Variants in SORCS1 observed in about 807,000 individuals in gnomAD.
The protein encoded by SORCS1 is VPS10 domain-containing receptor SorCS1.
Under a neutral mutation model 146.1 loss-of-function variants are expected in SORCS1, and 60 were observed. The ratio of observed to expected loss-of-function variants is 0.41; its 90% CI spans 0.33 to 0.51. The LOEUF (loss-of-function observed/expected upper bound fraction) is 0.51. Among genes scored for constraint, SORCS1 ranks in the 20% least tolerant of loss-of-function variants. The pLI is 0.21. For missense variants in SORCS1, 1,352 were observed against 1,487.6 expected (o/e 0.91, Z 1.50); for synonymous variants, 637 against 584.0 (o/e 1.09, Z -1.31).
intron 14 of SORCS1, 35 bp from the exon 15 acceptor site, chr10:106,673,020 G>A (rs1395754231): frequency 6.5e-7 from 1 of 1,545,158 alleles, no homozygotes; most frequent in East Asian, 2.3e-5. Flanking sequence ...TAATTACAAT[G>A]ATAACAATGT....
chr10:106,806,396 A>AAATAC (rs1258559731), intron 3 of SORCS1, among the ~76,000 whole-genome samples: 1 of 140,644 alleles, frequency 7.1e-6, no homozygotes, highest in Non-Finnish European at 1.5e-5. Context: ...AAATAAAATA[A>AAATAC]AATAAAATAA....
At chr10:107,028,829 T>A (rs894487023) in intron 1 of SORCS1, among the ~76,000 whole-genome samples, 6 of 152,224 alleles carry the variant, frequency 3.9e-5, no homozygotes, top group African/African-American at 1.4e-4. Flanking sequence ...AGATTGCATA[T>A]GCTTACTTCT....
intron 1 of SORCS1, among the ~76,000 whole-genome samples, chr10:106,991,625 G>T (rs1956775524): frequency 6.6e-6 from 1 of 152,096 alleles, no homozygotes; most frequent in East Asian, 1.9e-4. Context: ...ATGATTTTTG[G>T]CTTTGAATAT....
intron 2 of SORCS1, among the ~76,000 whole-genome samples, chr10:106,879,244 C>T (rs1257561884): frequency 2.0e-5 from 3 of 152,146 alleles, no homozygotes; most frequent in South Asian, 2.1e-4. Context: ...ACACTGCTCA[C>T]GGAACTTGCC....
intron 2 of SORCS1, among the ~76,000 whole-genome samples, chr10:106,937,905 A>G (rs1953829215): frequency 6.6e-6 from 1 of 150,940 alleles, no homozygotes; most frequent in Non-Finnish European, 1.5e-5. Flanking sequence ...CGGAGGTTGC[A>G]GTGAGCCAAG....
At chr10:106,901,714 G>A (rs1288638923) in intron 2 of SORCS1, among the ~76,000 whole-genome samples, 1 of 152,168 alleles carries the variant, frequency 6.6e-6, no homozygotes, top group Non-Finnish European at 1.5e-5. Flanking sequence ...GAATTACAGG[G>A]ATGAGCCACT....
chr10:106,957,940 C>T (rs1589792328), intron 1 of SORCS1, among the ~76,000 whole-genome samples: 3 of 152,166 alleles, frequency 2.0e-5, no homozygotes, highest in Admixed American at 1.3e-4. Context: ...TCTATGAGTC[C>T]GTGATCCAGT....
intron 24 of SORCS1, among the ~76,000 whole-genome samples, chr10:106,589,993 T>C (rs1425538943): frequency 6.6e-6 from 1 of 152,188 alleles, no homozygotes; most frequent in Non-Finnish European, 1.5e-5. Flanking sequence ...GTTTATAATA[T>C]ACTAGCATAT....
chr10:106,866,404 C>T (rs1950223158), intron 2 of SORCS1, among the ~76,000 whole-genome samples: 1 of 152,202 alleles, frequency 6.6e-6, no homozygotes, highest in Non-Finnish European at 1.5e-5. Flanking sequence ...TGAGCGACTG[C>T]TGACCTGCAT....
At chr10:106,704,669 GAC>G (rs1854384929) in intron 8 of SORCS1, among the ~76,000 whole-genome samples, 1 of 152,164 alleles carries the variant, frequency 6.6e-6, no homozygotes, top group East Asian at 1.9e-4. Flanking sequence ...CAGCCTGGGT[GAC>G]AGAGCGAGAT....
intron 14 of SORCS1, among the ~76,000 whole-genome samples, chr10:106,674,436 T>C (rs1465986148): frequency 6.8e-6 from 1 of 147,268 alleles, no homozygotes; most frequent in Non-Finnish European, 1.5e-5. Context: ...CCAGATCAAC[T>C]ACTTTATAAC....
At chr10:106,675,823 A>T (rs1177370726) in intron 13 of SORCS1, among the ~76,000 whole-genome samples, 1 of 152,116 alleles carries the variant, frequency 6.6e-6, no homozygotes, top group African/African-American at 2.4e-5. Flanking sequence ...CCATGAAAGG[A>T]ATTAGTGATC....
At chr10:107,077,795 C>T (rs886689939) in intron 1 of SORCS1, among the ~76,000 whole-genome samples, 10 of 151,838 alleles carry the variant, frequency 6.6e-5, no homozygotes, top group African/African-American at 2.2e-4. Flanking sequence ...AAAATCTACT[C>T]TAAATATACT....
intron 2 of SORCS1, among the ~76,000 whole-genome samples, chr10:106,831,614 C>T (rs1948548373): frequency 6.7e-6 from 1 of 148,426 alleles, no homozygotes; most frequent in Non-Finnish European, 1.5e-5. Context: ...AACCTCACTA[C>T]CATCCATTCA....
At chr10:107,068,019 C>T (rs1590061003) in intron 1 of SORCS1, among the ~76,000 whole-genome samples, 1 of 152,212 alleles carries the variant, frequency 6.6e-6, no homozygotes, top group East Asian at 1.9e-4. Flanking sequence ...AAGCTTGGTA[C>T]AGAATAGTTT....
chr10:106,989,680 GTTT>G (rs761689988), intron 1 of SORCS1, among the ~76,000 whole-genome samples: 8 of 70,370 alleles, frequency 1.1e-4, no homozygotes, highest in African/African-American at 3.2e-4. Flanking sequence ...GTTTTTTTTT[GTTT>G]TTTTTTTTTT....
chr10:106,654,773 A>C (rs1850148742), intron 17 of SORCS1, among the ~76,000 whole-genome samples: 1 of 152,188 alleles, frequency 6.6e-6, no homozygotes, highest in Admixed American at 6.5e-5. Flanking sequence ...GGGTCACCAA[A>C]ACTCCGCTCC....
intron 23 of SORCS1, 152 bp downstream of exon 23, chr10:106,607,014 G>C: frequency 9.8e-7 from 1 of 1,024,854 alleles, no homozygotes; most frequent in South Asian, 1.6e-5. Flanking sequence ...TGTGAGAACA[G>C]ACTAATACAC....
intron 3 of SORCS1, among the ~76,000 whole-genome samples, chr10:106,816,608 T>G (rs1947753188): frequency 6.6e-6 from 1 of 152,204 alleles, no homozygotes; most frequent in African/African-American, 2.4e-5. Context: ...AATTTTTTCC[T>G]AATTATTTTA....
Sources: gnomAD v4.1 joint callset for allele counts (sites outside exome capture counted in the v4.1 genomes callset) on GRCh38, gnomAD v4.1.1 for gene constraint, MANE v1.5 for transcripts, NCBI Gene and HGNC (gene_info 2026-07-23, HGNC 2026-07-21) for gene names.